Variants in FAR2 observed in about 807,000 individuals in gnomAD.
The protein encoded by FAR2 is fatty acyl-CoA reductase 2.
In FAR2, 19 loss-of-function variants were observed where a neutral mutation model predicts 56.0. That is an observed-to-expected ratio of 0.34 (90% CI 0.24 to 0.50). The LOEUF (loss-of-function observed/expected upper bound fraction) is 0.50, where lower values mean the gene tolerates loss of function less well. FAR2 is among the 20% of genes least tolerant of loss of function. The probability of loss-of-function intolerance (pLI) is 0.98; values close to 1 mark genes in which losing one functional copy is unlikely to be tolerated. For missense variants in FAR2, 508 were observed against 642.2 expected, an observed-to-expected ratio of 0.79 and a Z score of 2.26; for synonymous variants, 219 against 218.8, an observed-to-expected ratio of 1.00 and a Z score of -0.01.
At chr12:29,222,234 C>A (rs1488830130) in intron 1 of FAR2, among the ~76,000 whole-genome samples, 1 of 152,200 alleles carries the variant, frequency 6.6e-6, no homozygotes. Context: ...CATACTCTTC[C>A]AATCTATTTG....
chr12:29,168,595 G>A (rs775251009), intron 1 of FAR2, among the ~76,000 whole-genome samples: 1 of 152,176 alleles, frequency 6.6e-6, no homozygotes, highest in Non-Finnish European at 1.5e-5. Flanking sequence ...GGACCTTCGC[G>A]GTGAGTGTTA....
intron 2 of FAR2, among the ~76,000 whole-genome samples, chr12:29,272,297 A>C (rs1948632867): frequency 6.6e-6 from 1 of 152,026 alleles, no homozygotes; most frequent in Non-Finnish European, 1.5e-5. Flanking sequence ...TCTTTTTATG[A>C]AGTCCCATAT....
chr12:29,282,782 G>T (rs572802401), intron 2 of FAR2, among the ~76,000 whole-genome samples: 3 of 152,108 alleles, frequency 2.0e-5, no homozygotes, highest in African/African-American at 4.8e-5. Context: ...CAGTTTCCCT[G>T]CTGTCAAAGA....
chr12:29,263,949 C>G (rs1948468394), intron 1 of FAR2, among the ~76,000 whole-genome samples: 1 of 152,022 alleles, frequency 6.6e-6, no homozygotes, highest in South Asian at 2.1e-4. Context: ...TACTTCCAAA[C>G]TCATTTTATA....
intron 8 of FAR2, among the ~76,000 whole-genome samples, chr12:29,314,886 T>C (rs933532076): frequency 1.2e-4 from 18 of 152,162 alleles, no homozygotes; most frequent in African/African-American, 4.3e-4. Flanking sequence ...TTGGTATGGA[T>C]TTAGGAAATG....
chr12:29,155,482 C>T (rs1043576243), intron 1 of FAR2, among the ~76,000 whole-genome samples: 3 of 152,216 alleles, frequency 2.0e-5, no homozygotes, highest in African/African-American at 7.2e-5. Context: ...TTGGCTTCAT[C>T]AGCTCTGTGT....
intron 2 of FAR2, among the ~76,000 whole-genome samples, chr12:29,285,455 T>A (rs1565504811): frequency 6.6e-6 from 1 of 152,170 alleles, no homozygotes; most frequent in Non-Finnish European, 1.5e-5. Flanking sequence ...GTAAGCAGTT[T>A]TCAGTTTTCC....
At chr12:29,175,124 A>T (rs892156367) in intron 1 of FAR2, among the ~76,000 whole-genome samples, 3 of 152,132 alleles carry the variant, frequency 2.0e-5, no homozygotes, top group Non-Finnish European at 4.4e-5. Flanking sequence ...TTAGCCCCCA[A>T]ATTCTAAGGA....
intron 1 of FAR2, among the ~76,000 whole-genome samples, chr12:29,241,865 A>G (rs1350665152): frequency 6.6e-6 from 1 of 152,188 alleles, no homozygotes; most frequent in African/African-American, 2.4e-5. Flanking sequence ...AGAATTGCTG[A>G]TGGGTGTAGC....
chr12:29,291,304 G>A (rs78573308), intron 2 of FAR2: 6 of 442,468 alleles, frequency 1.4e-5, no homozygotes, highest in African/African-American at 6.1e-5. Context: ...CTGCAGAGGC[G>A]GTTAAGAAAT....
At chr12:29,256,032 G>A (rs1157829497) in intron 1 of FAR2, among the ~76,000 whole-genome samples, 1 of 151,794 alleles carries the variant, frequency 6.6e-6, no homozygotes, top group Non-Finnish European at 1.5e-5. Flanking sequence ...ACCATGCCTG[G>A]CTAATTTTTT....
intron 1 of FAR2, among the ~76,000 whole-genome samples, chr12:29,231,946 C>T (rs1226820291): frequency 6.6e-6 from 1 of 152,044 alleles, no homozygotes; most frequent in Non-Finnish European, 1.5e-5. Flanking sequence ...ATGCACATCC[C>T]GAAACTTTTG....
intron 1 of FAR2, among the ~76,000 whole-genome samples, chr12:29,181,200 C>T (rs17707240): frequency 0.02 from 3,014 of 152,092 alleles, 46 homozygotes; most frequent in Middle Eastern, 0.062. Flanking sequence ...GTTTTCCTGA[C>T]GTTCACCCGT....
At chr12:29,280,269 G>A (rs1166923136) in intron 2 of FAR2, 1 of 152,042 alleles carries the variant, frequency 6.6e-6, no homozygotes, top group African/African-American at 2.4e-5. Context: ...TTTTACCCAG[G>A]TATGTTATTT....
intron 1 of FAR2, among the ~76,000 whole-genome samples, chr12:29,184,422 CTTTTTTTTTTTTTTT>C (rs71042961): frequency 4.0e-4 from 24 of 59,716 alleles, no homozygotes; most frequent in African/African-American, 1.5e-3. Context: ...AATCTAGCAT[CTTTTTTTTTTTTTTT>C]TTTTTTTTTT....
At chr12:29,296,306 GT>G (rs1451904891) in intron 3 of FAR2, among the ~76,000 whole-genome samples, 5 of 152,134 alleles carry the variant, frequency 3.3e-5, no homozygotes, top group African/African-American at 1.2e-4. Flanking sequence ...TACCACTGAC[GT>G]TACAAGCAGT....
chr12:29,263,733 G>T (rs182053790), intron 1 of FAR2, among the ~76,000 whole-genome samples: 5 of 148,754 alleles, frequency 3.4e-5, no homozygotes, highest in Admixed American at 3.4e-4. Context: ...TGAGAGAACT[G>T]GTTCAATCCA....
intron 1 of FAR2, among the ~76,000 whole-genome samples, chr12:29,268,697 T>A (rs1948561802): frequency 6.6e-6 from 1 of 152,112 alleles, no homozygotes; most frequent in Non-Finnish European, 1.5e-5. Flanking sequence ...CAAAACTATA[T>A]TATTTATTGG....
intron 1 of FAR2, among the ~76,000 whole-genome samples, chr12:29,176,479 A>C (rs1949939697): frequency 6.6e-6 from 1 of 152,214 alleles, no homozygotes; most frequent in Non-Finnish European, 1.5e-5. Flanking sequence ...AACTGGGAAA[A>C]GAGACAGCTC....
Sources: gnomAD v4.1 joint callset for allele counts (sites outside exome capture counted in the v4.1 genomes callset) on GRCh38, gnomAD v4.1.1 for gene constraint, MANE v1.5 for transcripts, NCBI Gene and HGNC (gene_info 2026-07-23, HGNC 2026-07-21) for gene names.